The following ERI1 variants were observed in gnomAD, a reference collection of about 807,000 sequenced individuals.
The protein encoded by ERI1 is exoribonuclease 1.
Under a neutral mutation model 39.7 loss-of-function variants are expected in ERI1, and 39 were observed. That is an observed-to-expected ratio of 0.98 (90% CI 0.76 to 1.28). The LOEUF (loss-of-function observed/expected upper bound fraction) is 1.28. ERI1 is among the 50% of genes most tolerant of loss of function. The pLI is 0.00. For missense variants in ERI1, 581 were observed against 416.9 expected, an observed-to-expected ratio of 1.39 and a Z score of -3.43; for synonymous variants, 204 against 149.6, an observed-to-expected ratio of 1.36 and a Z score of -2.65.
chr8:9,080,852 G>T (rs1799346598), intron 3 of ERI1, among the ~76,000 whole-genome samples: 2 of 152,178 alleles, frequency 1.3e-5, no homozygotes, highest in Admixed American at 1.3e-4. Context: ...AGACAGCACA[G>T]CCCAGAATTG....
downstream of ERI1, among the ~76,000 whole-genome samples, chr8:9,037,496 T>TG (rs1244345832): frequency 4.0e-5 from 6 of 151,472 alleles, no homozygotes; most frequent in African/African-American, 1.2e-4. Flanking sequence ...ACTGTATTGT[T>TG]GGGTTTTTTT....
In ERI1 at chr8:9,061,580, A is replaced by G. The variant is rs189671156; in HGVS notation, n.299+41116A>G. Among the ~76,000 whole-genome samples the G allele has an allele frequency of 8.3e-4, 127 of 152,346 alleles. 2 individuals carry two copies. The East Asian group carries it at 9.5e-3, about 11-fold the overall frequency. On this transcript the variant is annotated intron_variant and non_coding_transcript_variant, in intron 3 of 3. Coordinates refer to the ERI1 transcript ENST00000518663. ...CAGTAAGGTCAAGTTGTTTGGACAG[A>G]AAGGCTACACAGTGCTGTCCCAGCT...
At chr8:9,058,287 A>G (rs1462973284) in intron 3 of ERI1, among the ~76,000 whole-genome samples, 1 of 152,182 alleles carries the variant, frequency 6.6e-6, no homozygotes, top group East Asian at 1.9e-4. Context: ...GAAAGGGTGG[A>G]GCCACGGGCA....
At chr8:9,003,329 G>T (rs1448504283) in intron 1 of ERI1, among the ~76,000 whole-genome samples, 158 bp downstream of exon 1, 1 of 152,240 alleles carries the variant, frequency 6.6e-6, no homozygotes, top group Non-Finnish European at 1.5e-5. Flanking sequence ...CTTTATCCTC[G>T]GGTGGGTGTC....
intron 3 of ERI1, among the ~76,000 whole-genome samples, chr8:9,054,422 T>A (rs531245862): frequency 1.1e-3 from 169 of 152,316 alleles, no homozygotes; most frequent in African/African-American, 3.7e-3. Flanking sequence ...GGAGTGAGGA[T>A]TGTAGCGACA....
chr8:9,013,731 T>C (rs1007281914), intron 3 of ERI1, among the ~76,000 whole-genome samples: 2 of 152,204 alleles, frequency 1.3e-5, no homozygotes, highest in Non-Finnish European at 2.9e-5. Context: ...TTTAGCCTCC[T>C]GTAGCCTGGG....
chr8:9,080,470 C>G (rs1274623855), intron 3 of ERI1, among the ~76,000 whole-genome samples: 2 of 152,222 alleles, frequency 1.3e-5, no homozygotes, highest in African/African-American at 2.4e-5. Flanking sequence ...GTGAACAGCA[C>G]ACATGCTAGG....
intron 3 of ERI1, among the ~76,000 whole-genome samples, chr8:9,094,984 C>T (rs563775886): frequency 1.9e-4 from 29 of 151,990 alleles, no homozygotes; most frequent in African/African-American, 7.0e-4. Flanking sequence ...CATTATGGCA[C>T]AAAGGAAAGA....
At chr8:9,011,390 C>A (rs1312214569) in intron 2 of ERI1, 152 bp from the exon 3 acceptor site, 1 of 484,090 alleles carries the variant, frequency 2.1e-6, no homozygotes, top group Non-Finnish European at 3.7e-6. Flanking sequence ...GCTAACTTAG[C>A]TTTGAGTCTT....
At chr8:9,021,306 A>C (rs923899386) in intron 6 of ERI1, among the ~76,000 whole-genome samples, 1 of 152,154 alleles carries the variant, frequency 6.6e-6, no homozygotes, top group South Asian at 2.1e-4. Flanking sequence ...CTTGCAGACT[A>C]TCTTCCTGGA....
chr8:9,091,072 TATG>T (rs941970413), intron 3 of ERI1, among the ~76,000 whole-genome samples: 25 of 152,206 alleles, frequency 1.6e-4, no homozygotes, highest in African/African-American at 6.0e-4. Flanking sequence ...TTAACACATA[TATG>T]TTCCCCTATT....
chr8:9,013,991 A>G (rs28726165), intron 3 of ERI1, among the ~76,000 whole-genome samples: 5,960 of 152,236 alleles, frequency 0.039, 393 homozygotes, highest in African/African-American at 0.13. Flanking sequence ...TCCGCCTACA[A>G]CCAGTTCTCA....
chr8:9,018,497 A>C, intron 5 of ERI1, 91 bp downstream of exon 5: 1 of 720,700 alleles, frequency 1.4e-6, no homozygotes, highest in South Asian at 2.0e-5. Flanking sequence ...ACCACAAACT[A>C]TTATTAGAGA....
intron 6 of ERI1, among the ~76,000 whole-genome samples, chr8:9,022,252 C>A (rs1289396681): frequency 2.6e-5 from 4 of 151,956 alleles, no homozygotes; most frequent in African/African-American, 9.7e-5. Context: ...TTTTTGCGAA[C>A]CCCTTATTTA....
At chr8:9,026,917 C>T (rs1393723581) in intron 6 of ERI1, among the ~76,000 whole-genome samples, 1 of 151,928 alleles carries the variant, frequency 6.6e-6, no homozygotes, top group African/African-American at 2.4e-5. Context: ...CATGTTTTGG[C>T]AATCATGAAT....
intron 1 of ERI1, chr8:9,004,377 G>C (rs892764853): frequency 8.2e-5 from 69 of 842,436 alleles, no homozygotes; most frequent in Non-Finnish European, 9.4e-5. Context: ...ATATTTGAAA[G>C]TCTTGACACT....
intron 3 of ERI1, among the ~76,000 whole-genome samples, chr8:9,085,104 C>T (rs1283452978): frequency 6.6e-6 from 1 of 152,192 alleles, no homozygotes; most frequent in Non-Finnish European, 1.5e-5. Context: ...TACCAATCTG[C>T]TTTGTAACAA....
intron 3 of ERI1, among the ~76,000 whole-genome samples, chr8:9,038,826 T>C (rs1209629626): frequency 2.0e-5 from 3 of 152,256 alleles, no homozygotes; most frequent in African/African-American, 7.2e-5. Flanking sequence ...AATGAGATAA[T>C]GTTTTTACAA....
At chr8:9,093,589 A>G (rs371077027) in intron 3 of ERI1, among the ~76,000 whole-genome samples, 1 of 151,960 alleles carries the variant, frequency 6.6e-6, no homozygotes, top group Non-Finnish European at 1.5e-5. Flanking sequence ...TATTTTTGAG[A>G]CGGAATCTCA....
Sources: allele counts gnomAD v4.1 joint callset (sites outside exome capture counted in the v4.1 genomes callset), GRCh38; gene constraint gnomAD v4.1.1; transcripts MANE v1.5; gene names NCBI Gene and HGNC (gene_info 2026-07-23, HGNC 2026-07-21).